L3MBTL4: variants seen among roughly 807,000 people sequenced by gnomAD.
L3MBTL4 encodes the protein L3MBTL histone methyl-lysine binding protein 4, also known as lethal(3)malignant brain tumor-like protein 4.
Under a neutral mutation model 84.5 loss-of-function variants are expected in L3MBTL4, and 70 were observed. The observed-to-expected ratio is 0.83, with a 90% CI of 0.68 to 1.01. The LOEUF (loss-of-function observed/expected upper bound fraction) is 1.01, where lower values mean the gene tolerates loss of function less well. L3MBTL4 is among the 50% of genes least tolerant of loss of function. The probability of loss-of-function intolerance (pLI) is 0.00; values close to 1 mark genes in which losing one functional copy is unlikely to be tolerated. For synonymous variants in L3MBTL4, 274 were observed against 259.8 expected, an observed-to-expected ratio of 1.05 and a Z score of -0.52; for missense variants, 715 against 754.8, an observed-to-expected ratio of 0.95 and a Z score of 0.62.
chr18:6,342,782 A>C (rs1445607496), intron 1 of L3MBTL4, among the ~76,000 whole-genome samples: 1 of 149,266 alleles, frequency 6.7e-6, no homozygotes, highest in Non-Finnish European at 1.5e-5. Context: ...TCCAAAAACA[A>C]AGAGCAACTG....
chr18:6,062,435 A>C (rs1225125965), intron 16 of L3MBTL4, among the ~76,000 whole-genome samples: 2 of 151,942 alleles, frequency 1.3e-5, no homozygotes, highest in South Asian at 2.1e-4. Context: ...TATAGTGTGA[A>C]TATGACATAT....
intron 7 of L3MBTL4, among the ~76,000 whole-genome samples, chr18:6,242,784 A>G (rs1311613160): frequency 6.6e-6 from 1 of 152,204 alleles, no homozygotes; most frequent in Non-Finnish European, 1.5e-5. Context: ...TTTTGGTCAC[A>G]TCTGCCTGGC....
chr18:6,028,079 G>T (rs574241447), intron 16 of L3MBTL4, among the ~76,000 whole-genome samples: 28 of 152,252 alleles, frequency 1.8e-4, no homozygotes, highest in African/African-American at 6.7e-4. Flanking sequence ...TGTTGCAATT[G>T]CTGTTGATGT....
chr18:6,397,821 A>C (rs1448850859), intron 1 of L3MBTL4: 1 of 152,344 alleles, frequency 6.6e-6, no homozygotes, highest in Non-Finnish European at 1.5e-5. Context: ...GCACCACTGC[A>C]CTCCAGCCTG....
In L3MBTL4 at chr18:6,398,809, T is replaced by C. The variant is rs529215584; in HGVS notation, c.-91+15992A>G. On this transcript the variant is annotated intron_variant, in intron 1 of 18. Coordinates refer to ENST00000317931, the MANE Select transcript of L3MBTL4 (RefSeq NM_001330559.2). Reference sequence around the variant, plus strand: ...ACTCCCAAAGAGCAGCAGTCCATTGTAGAGGCCCGAAAGACATGCGCCCCA... The same window carrying C: ...ACTCCCAAAGAGCAGCAGTCCATTGCAGAGGCCCGAAAGACATGCGCCCCA... Among the ~76,000 whole-genome samples the C allele has an allele frequency of 3.9e-5, 6 of 152,060 alleles. No homozygotes were observed. In the East Asian group the frequency reaches 7.8e-4, roughly 20 times the overall value.
chr18:6,158,272 G>A (rs2043180740), intron 13 of L3MBTL4, among the ~76,000 whole-genome samples: 1 of 152,194 alleles, frequency 6.6e-6, no homozygotes, highest in Admixed American at 6.5e-5. Context: ...GCGGAGATAA[G>A]GAAGTGGTCA....
In L3MBTL4 at chr18:6,312,804, A is replaced by G. The variant is rs2050901306; in HGVS notation, c.-90-748T>C. Among the ~76,000 whole-genome samples, 4 of 152,164 alleles carry G rather than the reference A, an allele frequency of 2.6e-5. No individual in the cohort carries two copies. In the South Asian group the frequency reaches 6.2e-4, roughly 24 times the overall value. ...GAATTTACCTTCTTCCTCTACTCCT[A>G]TTAACTCTGATCATTCCAATTTTAT... On this transcript the variant is annotated intron_variant, in intron 1 of 18. Transcript: ENST00000317931.
intron 1 of L3MBTL4, among the ~76,000 whole-genome samples, chr18:6,365,095 G>A (rs986338450): frequency 6.6e-6 from 1 of 152,026 alleles, no homozygotes; most frequent in Non-Finnish European, 1.5e-5. Flanking sequence ...ATATTTATAT[G>A]TATAATCAAT....
intron 8 of L3MBTL4, among the ~76,000 whole-genome samples, chr18:6,240,822 T>C (rs1276269469): frequency 2.0e-5 from 3 of 152,218 alleles, no homozygotes; most frequent in Non-Finnish European, 2.9e-5. Context: ...CGCCTGCCAG[T>C]GGCAGAGCCG....
chr18:6,169,374 G>T (rs2043849004), intron 13 of L3MBTL4, among the ~76,000 whole-genome samples: 1 of 152,140 alleles, frequency 6.6e-6, no homozygotes, highest in African/African-American at 2.4e-5. Context: ...AAAGACACAT[G>T]CACATGTATG....
At chr18:6,180,729 C>T (rs2044430134) in intron 12 of L3MBTL4, among the ~76,000 whole-genome samples, 1 of 152,176 alleles carries the variant, frequency 6.6e-6, no homozygotes, top group Admixed American at 6.5e-5. Flanking sequence ...ATCCTCTCCT[C>T]CAACCAAGAT....
At chr18:6,367,139 T>G (rs536961532) in intron 1 of L3MBTL4, 1 of 152,410 alleles carries the variant, frequency 6.6e-6, no homozygotes, top group Admixed American at 6.5e-5. Flanking sequence ...GTCCCTCTGA[T>G]TGCATATGCC....
chr18:6,054,074 A>G (rs1161989503), intron 16 of L3MBTL4, among the ~76,000 whole-genome samples: 1 of 152,074 alleles, frequency 6.6e-6, no homozygotes, highest in Non-Finnish European at 1.5e-5. Context: ...GAGGCTCTCA[A>G]TGCTTTTGTG....
intron 16 of L3MBTL4, among the ~76,000 whole-genome samples, chr18:6,057,550 T>C (rs1458242288): frequency 1.3e-5 from 2 of 152,244 alleles, no homozygotes; most frequent in African/African-American, 4.8e-5. Flanking sequence ...GTTTACTTTA[T>C]TAATTTTTTT....
intron 16 of L3MBTL4, among the ~76,000 whole-genome samples, chr18:6,006,826 G>A (rs1450885940): frequency 1.3e-5 from 2 of 152,158 alleles, no homozygotes; most frequent in Non-Finnish European, 2.9e-5. Context: ...ACATGCTAAG[G>A]AGGCATCTCA....
At chr18:6,234,807 C>T (rs546899949) in intron 10 of L3MBTL4, among the ~76,000 whole-genome samples, 6 of 152,248 alleles carry the variant, frequency 3.9e-5, no homozygotes, top group African/African-American at 1.4e-4. Context: ...CCCAGCGATC[C>T]CATCACTGGG....
chr18:5,966,622 A>C (rs549187162), intron 17 of L3MBTL4, among the ~76,000 whole-genome samples: 2 of 152,268 alleles, frequency 1.3e-5, no homozygotes, highest in South Asian at 4.1e-4. Flanking sequence ...GTTTATGTCC[A>C]CTGGGACATC....
chr18:6,267,696 G>A lies in L3MBTL4; in HGVS notation c.128-3658C>T, dbSNP rs148043207. ...AATTGTCATGCATTATCACTTCACC[G>A]AAAGTAAACTATCTAAGGCCTCCTT... On this transcript the variant is annotated intron_variant, in intron 4 of 18. Transcript: ENST00000317931. 3.4e-3 allele frequency among the ~76,000 whole-genome samples: 523 copies of A among 152,216 alleles called. 4 individuals carry two copies. Among genetic ancestry groups the A allele is most frequent in the African/African-American group, 0.01 (435 of 41,532 alleles).
intron 1 of L3MBTL4, among the ~76,000 whole-genome samples, chr18:6,350,367 T>G (rs975957481): frequency 6.6e-6 from 1 of 152,040 alleles, no homozygotes; most frequent in African/African-American, 2.4e-5. Flanking sequence ...GGGATTAATA[T>G]CCAGAATATA....
Sources: gnomAD v4.1 joint callset for allele counts (sites outside exome capture counted in the v4.1 genomes callset) on GRCh38, gnomAD v4.1.1 for gene constraint, MANE v1.5 for transcripts, NCBI Gene and HGNC (gene_info 2026-07-23, HGNC 2026-07-21) for gene names.